CRPPA: variants seen among roughly 807,000 people sequenced by gnomAD.
The protein encoded by CRPPA is CDP-L-ribitol pyrophosphorylase A.
In CRPPA, 43 loss-of-function variants were observed where a neutral mutation model predicts 52.0. The ratio of observed to expected loss-of-function variants is 0.83; its 90% confidence interval spans 0.65 to 1.07. The LOEUF (loss-of-function observed/expected upper bound fraction) is 1.07, where lower values mean the gene tolerates loss of function less well. CRPPA is among the 50% of genes least tolerant of loss of function. The pLI, the probability that CRPPA is intolerant of heterozygous loss-of-function variation, is 0.00. For missense variants in CRPPA, 629 were observed against 551.7 expected (o/e 1.14, Z -1.40); for synonymous variants, 250 against 203.5 (o/e 1.23, Z -1.94).
intron 8 of CRPPA, among the ~76,000 whole-genome samples, chr7:16,235,169 C>T (rs1383573085): frequency 1.3e-5 from 2 of 151,848 alleles, no homozygotes; most frequent in East Asian, 1.9e-4. Flanking sequence ...ATGGTAAGCT[C>T]ATTTGGAAAC....
intron 3 of CRPPA, among the ~76,000 whole-genome samples, chr7:16,339,840 T>A (rs2158490): frequency 0.47 from 71,223 of 151,922 alleles, 16,893 homozygotes; most frequent in African/African-American, 0.54. Flanking sequence ...GACTGACACT[T>A]CCAGACTTCA....
At chr7:16,393,469 T>A (rs554747946) in intron 2 of CRPPA, among the ~76,000 whole-genome samples, 1 of 152,184 alleles carries the variant, frequency 6.6e-6, no homozygotes, top group South Asian at 2.1e-4. Flanking sequence ...GAAGTGGCAG[T>A]GCAGGTCAGT....
At chr7:16,358,376 A>G (rs183274741) in intron 3 of CRPPA, among the ~76,000 whole-genome samples, 79 of 152,306 alleles carry the variant, frequency 5.2e-4, no homozygotes, top group Admixed American at 5.2e-3. Flanking sequence ...GGAGCTGGGA[A>G]GCGATTAAGT....
intron 8 of CRPPA, among the ~76,000 whole-genome samples, chr7:16,254,283 G>A (rs1485473643): frequency 6.6e-6 from 1 of 152,112 alleles, no homozygotes; most frequent in Non-Finnish European, 1.5e-5. Context: ...AAAGACGCAT[G>A]CACACCTATG....
Position 16,263,803 on chromosome 7 carries a change from C to T in CRPPA, c.934-4791G>A, listed in dbSNP as rs1474726932. ...ATATAGATATATGGAAAGCACAATG[C>T]CCAGCCATATAGTGTTATTGTAATT... On this transcript the variant is annotated intron_variant, in intron 6 of 9. Coordinates refer to ENST00000407010, the MANE Select transcript of CRPPA (RefSeq NM_001101426.4). Among the ~76,000 whole-genome samples, 3 of 151,900 alleles carry T rather than the reference C, an allele frequency of 2.0e-5. No homozygotes were observed. The South Asian group carries it at 6.2e-4, about 32-fold the overall frequency.
chr7:16,296,421 T>C (rs981417479), intron 5 of CRPPA, among the ~76,000 whole-genome samples: 4 of 152,186 alleles, frequency 2.6e-5, no homozygotes, highest in Admixed American at 6.6e-5. Context: ...CAAGTAAATT[T>C]TGGAGTACAA....
chr7:16,398,811 C>CAG, intron 2 of CRPPA, among the ~76,000 whole-genome samples: 1 of 152,270 alleles, frequency 6.6e-6, no homozygotes, highest in African/African-American at 2.4e-5. Context: ...ATGATTGAAA[C>CAG]GTGACCAATA....
At chr7:16,304,928 C>G (rs1333207112) in intron 4 of CRPPA, among the ~76,000 whole-genome samples, 1 of 152,128 alleles carries the variant, frequency 6.6e-6, no homozygotes, top group Admixed American at 6.5e-5. Context: ...AATCATGTTT[C>G]AAGTACATGG....
intron 8 of CRPPA, among the ~76,000 whole-genome samples, chr7:16,239,732 T>A (rs1043550360): frequency 1.3e-5 from 2 of 152,146 alleles, no homozygotes; most frequent in African/African-American, 4.8e-5. Flanking sequence ...TCATCTTAAA[T>A]GTTATAAACT....
At chr7:16,263,360 CA>C (rs771397349) in intron 6 of CRPPA, among the ~76,000 whole-genome samples, 19 of 152,210 alleles carry the variant, frequency 1.2e-4, no homozygotes, top group Non-Finnish European at 2.4e-4. Flanking sequence ...ATACCTATGA[CA>C]ACTTCGGCCC....
At chr7:16,384,203 C>A (rs1451227526) in intron 2 of CRPPA, among the ~76,000 whole-genome samples, 1 of 152,076 alleles carries the variant, frequency 6.6e-6, no homozygotes, top group African/African-American at 2.4e-5. Context: ...TGATTTTTCA[C>A]AAGTAGAAGA....
intron 9 of CRPPA, among the ~76,000 whole-genome samples, chr7:16,114,768 C>T (rs937829789): frequency 3.3e-5 from 5 of 152,040 alleles, no homozygotes; most frequent in African/African-American, 1.2e-4. Flanking sequence ...TAACTCCTTT[C>T]TCCACCATTA....
intron 3 of CRPPA, among the ~76,000 whole-genome samples, chr7:16,337,749 CAACA>C (rs1785723545): frequency 6.6e-6 from 1 of 151,978 alleles, no homozygotes; most frequent in Admixed American, 6.6e-5. Flanking sequence ...AATTATACTC[CAACA>C]AATCAGATAA....
intron 3 of CRPPA, among the ~76,000 whole-genome samples, chr7:16,331,010 G>GT (rs1002579851): frequency 6.6e-6 from 1 of 151,962 alleles, no homozygotes; most frequent in Admixed American, 6.6e-5. Context: ...GTTTTGTTTT[G>GT]TTTTTTTGAG....
intron 2 of CRPPA, among the ~76,000 whole-genome samples, chr7:16,387,042 AAGATATAT>A (rs1787288277): frequency 3.6e-5 from 3 of 82,792 alleles, no homozygotes; most frequent in Middle Eastern, 5.4e-3. Context: ...AAATAAAAAA[AAGATATAT>A]ATATATATAT....
intron 9 of CRPPA, among the ~76,000 whole-genome samples, chr7:16,206,871 C>T (rs576915348): frequency 5.9e-5 from 9 of 152,194 alleles, no homozygotes; most frequent in African/African-American, 2.2e-4. Flanking sequence ...ACAGCATTAG[C>T]ACATTGTCAC....
intron 9 of CRPPA, among the ~76,000 whole-genome samples, chr7:16,094,347 A>G (rs1192392684): frequency 1.3e-5 from 2 of 152,204 alleles, no homozygotes; most frequent in African/African-American, 4.8e-5. Context: ...AAACTCTAGT[A>G]TGTGAAAAGA....
At chr7:16,290,821 G>A (rs1230523297) in intron 5 of CRPPA, among the ~76,000 whole-genome samples, 2 of 151,916 alleles carry the variant, frequency 1.3e-5, no homozygotes, top group Non-Finnish European at 1.5e-5. Context: ...CTTCTGCACA[G>A]CAAAGAAAAT....
At chr7:16,134,505 A>C (rs974291984) in intron 9 of CRPPA, among the ~76,000 whole-genome samples, 1 of 152,184 alleles carries the variant, frequency 6.6e-6, no homozygotes, top group Non-Finnish European at 1.5e-5. Flanking sequence ...TGTATTAATC[A>C]ATTATGTTAC....
Sources: gnomAD v4.1 joint callset for allele counts (sites outside exome capture counted in the v4.1 genomes callset) on GRCh38, gnomAD v4.1.1 for gene constraint, MANE v1.5 for transcripts, NCBI Gene and HGNC (gene_info 2026-07-23, HGNC 2026-07-21) for gene names.